Variants in KHDRBS2 observed in about 807,000 individuals in gnomAD.
KHDRBS2 encodes the protein KH RNA binding domain containing, signal transduction associated 2, also known as KH domain-containing, RNA-binding, signal transduction-associated protein 2.
KHDRBS2 carries 26 observed loss-of-function variants against 44.3 expected under a neutral mutation model. That is an observed-to-expected ratio of 0.59 (90% CI 0.43 to 0.81). The LOEUF is 0.81. Ranked by LOEUF, KHDRBS2 falls within the 40% of genes least tolerant of loss-of-function variation. The pLI, the probability that KHDRBS2 is intolerant of heterozygous loss-of-function variation, is 0.00. For synonymous variants in KHDRBS2, 194 were observed against 151.1 expected (o/e 1.28, Z -2.08); for missense variants, 476 against 433.1 (o/e 1.10, Z -0.88).
chr6:61,809,207 G>A (rs1445653445), intron 6 of KHDRBS2, among the ~76,000 whole-genome samples: 1 of 152,048 alleles, frequency 6.6e-6, no homozygotes, highest in East Asian at 1.9e-4. Flanking sequence ...CCTTCCTGTA[G>A]ATGGCAGCAG....
chr6:62,264,500 T>C (rs1838868385), intron 1 of KHDRBS2, among the ~76,000 whole-genome samples: 1 of 151,830 alleles, frequency 6.6e-6, no homozygotes, highest in South Asian at 2.1e-4. Context: ...GGTGACTTTT[T>C]GAATCTACAA....
rs536606004 is a variant in KHDRBS2 at position 61,815,865 on chromosome 6, T to G, written c.810+78770A>C. Among the ~76,000 whole-genome samples, 16 of 152,274 alleles carry G rather than the reference T, an allele frequency of 1.1e-4. No individual in the cohort carries two copies. In the South Asian group the frequency reaches 3.1e-3, roughly 30 times the overall value. ...TGATAATAACCTTTGCATTGAAAAG[T>G]CCTGATAAATGTATTTTTAAAATAT... On this transcript the variant is annotated intron_variant, in intron 6 of 8. Coordinates refer to ENST00000281156, the MANE Select transcript of KHDRBS2 (RefSeq NM_152688.4).
the KHDRBS2 span, among the ~76,000 whole-genome samples, chr6:61,668,947 C>A: frequency 6.6e-6 from 1 of 150,806 alleles, no homozygotes; most frequent in Non-Finnish European, 1.5e-5. Context: ...AATAAGTAAC[C>A]ATGACTATTT....
chr6:61,839,175 A>C (rs1044266181), intron 6 of KHDRBS2, among the ~76,000 whole-genome samples: 29 of 152,126 alleles, frequency 1.9e-4, no homozygotes, highest in African/African-American at 7.0e-4. Context: ...CTGTGTCTCC[A>C]ATCTTAAATA....
At chr6:62,051,844 A>G (rs1789137366) in intron 2 of KHDRBS2, among the ~76,000 whole-genome samples, 1 of 152,058 alleles carries the variant, frequency 6.6e-6, no homozygotes, top group Admixed American at 6.6e-5. Context: ...ACTTATAAAA[A>G]GAAATAAAAA....
chr6:61,552,695 T>C, the KHDRBS2 span, among the ~76,000 whole-genome samples: 1 of 152,196 alleles, frequency 6.6e-6, no homozygotes, highest in South Asian at 2.1e-4. Flanking sequence ...TTTTTGAGGA[T>C]TTTTAACATA....
chr6:61,861,976 C>T (rs1319872388), intron 6 of KHDRBS2, among the ~76,000 whole-genome samples: 1 of 151,818 alleles, frequency 6.6e-6, no homozygotes, highest in Non-Finnish European at 1.5e-5. Flanking sequence ...TTTGTGGCAC[C>T]TGTGAATGGG....
At chr6:61,642,629 C>T in the KHDRBS2 span, among the ~76,000 whole-genome samples, 249 of 149,844 alleles carry the variant, frequency 1.7e-3, 2 homozygotes, top group Non-Finnish European at 2.5e-3. Flanking sequence ...CCAATGTACT[C>T]CAGCCTGGGT....
At chr6:61,627,538 CT>C in the KHDRBS2 span, among the ~76,000 whole-genome samples, 2 of 152,176 alleles carry the variant, frequency 1.3e-5, no homozygotes, top group African/African-American at 2.4e-5. Flanking sequence ...GGCCTGACTT[CT>C]GGCTTAGAAG....
chr6:62,108,819 C>T (rs1447828845), intron 2 of KHDRBS2, among the ~76,000 whole-genome samples: 1 of 152,038 alleles, frequency 6.6e-6, no homozygotes, highest in Non-Finnish European at 1.5e-5. Flanking sequence ...AATTAGAAAT[C>T]ATCAGTCTCA....
At chr6:61,822,162 A>G (rs1790019771) in intron 6 of KHDRBS2, among the ~76,000 whole-genome samples, 1 of 152,014 alleles carries the variant, frequency 6.6e-6, no homozygotes. Flanking sequence ...TGTATTGCCC[A>G]CTGCCAATTA....
At chr6:61,794,761 G>T (rs1275658733) in intron 6 of KHDRBS2, among the ~76,000 whole-genome samples, 2 of 152,060 alleles carry the variant, frequency 1.3e-5, no homozygotes, top group Admixed American at 6.6e-5. Context: ...ACATGTTGCT[G>T]TGTTTTTTTA....
At chr6:61,874,133 T>C (rs1056793169) in intron 6 of KHDRBS2, among the ~76,000 whole-genome samples, 1 of 152,156 alleles carries the variant, frequency 6.6e-6, no homozygotes, top group Non-Finnish European at 1.5e-5. Flanking sequence ...GATTATGTAA[T>C]TTTTTATATG....
intron 7 of KHDRBS2, among the ~76,000 whole-genome samples, chr6:61,719,079 G>A (rs1202553014): frequency 6.6e-6 from 1 of 152,086 alleles, no homozygotes; most frequent in Non-Finnish European, 1.5e-5. Flanking sequence ...CAGAAGGGAG[G>A]CTTCTTTTCC....
intron 4 of KHDRBS2, among the ~76,000 whole-genome samples, chr6:61,970,485 C>T (rs1479536837): frequency 6.6e-6 from 1 of 152,014 alleles, no homozygotes; most frequent in South Asian, 2.1e-4. Flanking sequence ...AAGTTAAGTA[C>T]ACAGAAGAAA....
intron 1 of KHDRBS2, among the ~76,000 whole-genome samples, chr6:62,222,715 G>T (rs993603426): frequency 6.6e-6 from 1 of 152,130 alleles, no homozygotes; most frequent in African/African-American, 2.4e-5. Context: ...CTAAATAAGA[G>T]AAATTAGCCA....
chr6:61,567,153 T>A, the KHDRBS2 span, among the ~76,000 whole-genome samples: 1 of 152,200 alleles, frequency 6.6e-6, no homozygotes, highest in East Asian at 1.9e-4. Context: ...ATGATTACAT[T>A]TCAAAAGGAT....
At chr6:61,692,550 T>C (rs1422354744) in intron 8 of KHDRBS2, among the ~76,000 whole-genome samples, 3 of 152,178 alleles carry the variant, frequency 2.0e-5, no homozygotes, top group Non-Finnish European at 4.4e-5. Context: ...CATTATTTTC[T>C]CAAAGTCAAT....
chr6:61,858,187 T>C (rs1315714472), intron 6 of KHDRBS2, among the ~76,000 whole-genome samples: 1 of 151,838 alleles, frequency 6.6e-6, no homozygotes, highest in Admixed American at 6.6e-5. Context: ...CCATTTTACA[T>C]TCTCTTTAAT....
Sources: gnomAD v4.1 joint callset for allele counts (sites outside exome capture counted in the v4.1 genomes callset) on GRCh38, gnomAD v4.1.1 for gene constraint, MANE v1.5 for transcripts, NCBI Gene and HGNC (gene_info 2026-07-23, HGNC 2026-07-21) for gene names.